The following TMPRSS6 variants were observed in gnomAD, a reference collection of about 807,000 sequenced individuals.
TMPRSS6 encodes transmembrane protease serine 6.
Under a neutral mutation model 101.5 loss-of-function variants are expected in TMPRSS6, and 67 were observed. That is an observed-to-expected ratio of 0.66 (90% confidence interval 0.54 to 0.81). The LOEUF (loss-of-function observed/expected upper bound fraction) is 0.81, where lower values mean the gene tolerates loss of function less well. TMPRSS6 is among the 30% of genes least tolerant of loss of function. The probability of loss-of-function intolerance (pLI) is 0.00; values close to 1 mark genes in which losing one functional copy is unlikely to be tolerated. For missense variants in TMPRSS6, 1,034 were observed against 1,088.7 expected (o/e 0.95, Z 0.71); for synonymous variants, 453 against 464.9 (o/e 0.97, Z 0.33).
At chr22:37,096,510 G>T in intron 4 of TMPRSS6, 138 bp downstream of exon 4, 1 of 953,544 alleles carries the variant, frequency 1.0e-6, no homozygotes, top group Non-Finnish European at 1.7e-6. Context: ...GTGACATGCA[G>T]GAAGCCAAGT....
rs768268048 is a variant in TMPRSS6 at position 37,069,098 on chromosome 22, C to T, written c.2088G>A (p.Thr696=). The change falls in exon 16 of 18, where the codon ACG becomes ACA. Residue 696 remains threonine, a synonymous_variant. Coordinates refer to ENST00000676104, the MANE Select transcript of TMPRSS6 (RefSeq NM_001374504.1). This position sits in a 1 kb window ranked among gnomAD's most constrained non-coding sequence, Gnocchi z 4.8. ...CGCCCTCGCGCAAGGCGCCCCAGCC[C>T]GTAATCCAGCAGTGCAGGCCGGGCT... The part of the protein sequence containing the change: ...FFEPGLHCWI[T]GWGALREGGP... 3 of 1,551,330 alleles carry T rather than the reference C, an allele frequency of 1.9e-6. No homozygotes were observed. Among genetic ancestry groups the T allele is most frequent in the South Asian group, 1.2e-5 (1 of 85,004 alleles).
chr22:37,070,415 G>C (rs1032399073), intron 15 of TMPRSS6, 69 bp downstream of exon 15: 2 of 1,592,014 alleles, frequency 1.3e-6, no homozygotes, highest in Admixed American at 1.7e-5. Context: ...CTCAGACACA[G>C]TGCACCTCCC....
In TMPRSS6 at chr22:37,075,308, C is replaced by T. The variant is rs1466665081; in HGVS notation, c.1197-28G>A. The T allele has an allele frequency of 1.9e-6, 3 of 1,612,174 alleles. No individual in the cohort carries two copies. In the East Asian group the frequency reaches 6.7e-5, roughly 36 times the overall value. ...GGGGGGAGTCAGAGACGACTCAGGG[C>T]TGCACTGGCTGGTCTCCTGGGTCCC... On this transcript the variant is annotated intron_variant, in intron 10 of 17. Coordinates refer to ENST00000676104, the MANE Select transcript of TMPRSS6 (RefSeq NM_001374504.1).
At chr22:37,070,085 C>G (rs1223462860) in intron 15 of TMPRSS6, among the ~76,000 whole-genome samples, 2 of 152,080 alleles carry the variant, frequency 1.3e-5, no homozygotes, top group African/African-American at 4.8e-5. Context: ...TGGGGGCTCC[C>G]CAGCCCCACC....
intron 10 of TMPRSS6, among the ~76,000 whole-genome samples, chr22:37,075,731 C>T (rs998433234): frequency 2.6e-5 from 4 of 152,102 alleles, no homozygotes; most frequent in Admixed American, 6.6e-5. Flanking sequence ...GGAGAAACCC[C>T]GTTGCTACTA....
rs565357005 is a variant in TMPRSS6 at position 37,106,507 on chromosome 22, C to A, written c.-2+2996G>T. ...CACAGAGAGGCTCATTTTCAGGACACCCTCTGTAAAAACCCAAGCCATGGT... is the reference window on the plus strand; with the variant it reads ...CACAGAGAGGCTCATTTTCAGGACAACCTCTGTAAAAACCCAAGCCATGGT... On this transcript the variant is annotated intron_variant, in intron 1 of 17. Transcript: ENST00000676104. 1.1e-4 allele frequency among the ~76,000 whole-genome samples: 17 copies of A among 152,254 alleles called. No individual in the cohort carries two copies. The East Asian group carries it at 3.3e-3, about 29-fold the overall frequency.
In TMPRSS6 at chr22:37,070,958, C is replaced by T; in HGVS notation, c.1630G>A (p.Gly544Arg). The change falls in exon 14 of 18, where the codon GGG becomes AGG. Residue 544 changes from glycine (G) to arginine (R), a missense_variant. By Grantham distance (125) the Gly-to-Arg change is moderately radical. Coordinates refer to ENST00000676104, the MANE Select transcript of TMPRSS6 (RefSeq NM_001374504.1). Reference sequence around the variant, plus strand: ...GAGCCGTCCCTGCAGTCGGGCCGCCCATCACACTGCGGGTTGGGCTTCTTC... The same window carrying T: ...GAGCCGTCCCTGCAGTCGGGCCGCCTATCACACTGCGGGTTGGGCTTCTTC... ...CVKKPNPQCD[G>R]RPDCRDGSDE... is the part of the protein sequence containing the mutation. 1 of 1,613,350 alleles carries T rather than the reference C, an allele frequency of 6.2e-7. No homozygotes were observed. Among genetic ancestry groups the T allele is most frequent in the Middle Eastern group, 1.7e-4 (1 of 6,056 alleles).
At position 37,109,657 on chromosome 22, in the gene TMPRSS6, C is replaced by T. The variant is rs370824045; in HGVS notation, c.-156G>A. The T allele has an allele frequency of 9.8e-5, 15 of 152,478 alleles. No individual in the cohort carries two copies. In the East Asian group the frequency reaches 1.9e-3, roughly 20 times the overall value. 9.4% of individuals were successfully genotyped at this position (152,478 alleles called of 1,614,324 possible). A position where few individuals can be genotyped will look rare whatever the true frequency, so the allele number is the denominator to read the frequency against. On this transcript the variant is annotated 5_prime_UTR_variant, in exon 1 of 18. Transcript: ENST00000676104. ...GTGTCTGGCCCTTGTCCCCTGTGGC[C>T]TGTGGCCTCAGGCTCCATGGAACTC...
In TMPRSS6 at chr22:37,069,018, GGCGCAGATCC is replaced by G; in HGVS notation, c.2113+45_2113+54del. The G allele has an allele frequency of 6.5e-7, 1 of 1,530,190 alleles. No individual in the cohort carries two copies. The highest frequency in any genetic ancestry group is 8.7e-7 in the Non-Finnish European group (1 of 1,144,762). The allele number at this position is 1,530,190 out of a possible 1,614,324, so 94.8% of individuals were successfully genotyped here. Reference sequence around the variant, plus strand: ...CGCCCTTCTCCAGGCCAGGTGTTACGGCGCAGATCCGCACGGTCTCCCTCCGCCTCCCGCC... The same window carrying G: ...CGCCCTTCTCCAGGCCAGGTGTTACGGCACGGTCTCCCTCCGCCTCCCGCC... On this transcript the variant is annotated intron_variant, in intron 16 of 17. Coordinates refer to ENST00000676104, the MANE Select transcript of TMPRSS6 (RefSeq NM_001374504.1). This position sits in a 1 kb window ranked among gnomAD's most constrained non-coding sequence, Gnocchi z 4.8.
intron 1 of TMPRSS6, among the ~76,000 whole-genome samples, chr22:37,106,823 C>T (rs999766210): frequency 3.9e-5 from 6 of 152,190 alleles, no homozygotes. Flanking sequence ...CGAGACCCTG[C>T]CTTTGTGCAG....
chr22:37,073,745 A>C, intron 12 of TMPRSS6, 100 bp from the exon 13 acceptor site: 1 of 789,390 alleles, frequency 1.3e-6, no homozygotes, highest in Non-Finnish European at 2.3e-6. Flanking sequence ...GCACGTTACC[A>C]ATCACAAATC....
chr22:37,066,221 C>T lies in TMPRSS6; in HGVS notation c.2268G>A (p.Pro756=), dbSNP rs773403505. 18 of 1,611,968 alleles carry T rather than the reference C, an allele frequency of 1.1e-5. No individual in the cohort carries two copies. Among genetic ancestry groups the T allele is most frequent in the South Asian group, 4.4e-5 (4 of 90,990 alleles). ...GGCCACTGAGTGCCTTGCACACCAG[C>T]GGACCACCTGAGTCACCCTGAAAGG... ...KDACQGDSGG[P]LVCKALSGRW... Residue 756 remains proline, a synonymous_variant, in exon 18 of 18, where the codon CCG becomes CCA. Transcript: ENST00000676104.
intron 1 of TMPRSS6, among the ~76,000 whole-genome samples, chr22:37,106,764 C>T (rs1479010686): frequency 6.6e-6 from 1 of 152,220 alleles, no homozygotes; most frequent in African/African-American, 2.4e-5. Context: ...CTGCTGTCCA[C>T]CCTCCTCGTG....
chr22:37,093,456 A>G (rs537929185), intron 6 of TMPRSS6, among the ~76,000 whole-genome samples: 1 of 125,296 alleles, frequency 8.0e-6, no homozygotes, highest in Admixed American at 1.1e-4. Flanking sequence ...GTACAGTGGC[A>G]CAACCTCACA....
At position 37,069,255 on chromosome 22, in the gene TMPRSS6, C is replaced by T. The variant is rs774535079; in HGVS notation, c.1931G>A (p.Arg644His). 1.9e-6 allele frequency: 3 copies of T among 1,611,300 alleles called. No homozygotes were observed. Among genetic ancestry groups the T allele is most frequent in the South Asian group, 2.2e-5 (2 of 90,798 alleles). ...TTCGTGGTACGGGTGCAGGAGCAGG[C>T]GGCTCACCTTGAAGGACACCTCTCC... ...WPGEVSFKVS[R>H]LLLHPYHEED... Residue 644 changes from arginine (R) to histidine (H), a missense_variant, in exon 16 of 18, where the codon CGC becomes CAC. Transcript: ENST00000676104. This position sits in a 1 kb window ranked among gnomAD's most constrained non-coding sequence, Gnocchi z 4.8.
At chr22:37,076,674 C>T (rs1927702682) in intron 10 of TMPRSS6, among the ~76,000 whole-genome samples, 1 of 152,208 alleles carries the variant, frequency 6.6e-6, no homozygotes, top group Admixed American at 6.5e-5. Context: ...TGGGACCCTC[C>T]CTCCACAGCA....
intron 1 of TMPRSS6, among the ~76,000 whole-genome samples, chr22:37,104,515 T>C (rs1930589947): frequency 6.6e-6 from 1 of 152,196 alleles, no homozygotes; most frequent in Non-Finnish European, 1.5e-5. Context: ...TGAGACCCTT[T>C]CAAGCAAACA....
At chr22:37,079,785 G>A (rs577504170) in intron 10 of TMPRSS6, among the ~76,000 whole-genome samples, 9 of 152,350 alleles carry the variant, frequency 5.9e-5, no homozygotes, top group Admixed American at 3.3e-4. Flanking sequence ...ACTTGCTGAC[G>A]TCAGGCTGTG....
In TMPRSS6 at chr22:37,066,378, C is replaced by A. The variant is rs776609871; in HGVS notation, c.2251-140G>T. On this transcript the variant is annotated intron_variant, in intron 17 of 17. Transcript: ENST00000676104. ...CGTTCAGTCTTAAAGCTCTGCTTTC[C>A]CCTCGCCTGCTAAATGGAGAGAGCC... 1.0e-4 allele frequency: 94 copies of A among 941,818 alleles called. No individual in the cohort carries two copies. The Middle Eastern group carries it at 1.2e-3, about 12-fold the overall frequency. 58.3% of individuals were successfully genotyped at this position (941,818 alleles called of 1,614,324 possible).
Sources: gnomAD v4.1 joint callset for allele counts (sites outside exome capture counted in the v4.1 genomes callset) on GRCh38, gnomAD v4.1.1 for gene constraint, Gnocchi (gnomAD v3.1) non-coding constraint, MANE v1.5 for transcripts, NCBI Gene and HGNC (gene_info 2026-07-23, HGNC 2026-07-21) for gene names.